Variants in CLIC6 observed in about 807,000 individuals in gnomAD.
The protein encoded by CLIC6 is chloride intracellular channel protein 6.
In CLIC6, 39 loss-of-function variants were observed where a neutral mutation model predicts 49.2. The ratio of observed to expected loss-of-function variants is 0.79; its 90% CI spans 0.61 to 1.04. The LOEUF (loss-of-function observed/expected upper bound fraction) is 1.04, where lower values mean the gene tolerates loss of function less well. CLIC6 is among the 50% of genes least tolerant of loss of function. CLIC6 has a pLI of 0.00. For synonymous variants in CLIC6, 446 were observed against 433.4 expected (o/e 1.03, Z -0.36); for missense variants, 988 against 993.1 (o/e 0.99, Z 0.07).
intron 1 of CLIC6, among the ~76,000 whole-genome samples, chr21:34,680,266 G>C (rs186804226): frequency 6.6e-6 from 1 of 152,250 alleles, no homozygotes. Context: ...AATGGCCTGA[G>C]TTGTACCTCG....
Position 34,670,143 on chromosome 21 carries a change from C to A in CLIC6, c.755C>A (p.Ala252Glu), listed in dbSNP as rs1989518377. ...AEGRVGDSVE[A>E]GDPAGDGVEA... ...GGCCGGGTGGGGGACAGCGTAGAGG[C>A]GGGGGACCCGGCGGGGGACGGCGTA... The change falls in exon 1 of 6, where the codon GCG (alanine) becomes GAG (glutamate). Residue 252 changes from alanine to glutamate, a missense_variant. Transcript: ENST00000349499. 7.4e-7 allele frequency: 1 copy of A among 1,342,660 alleles called. No homozygotes were observed. The highest frequency in any genetic ancestry group is 9.5e-7 in the Non-Finnish European group (1 of 1,053,660). 83.2% of individuals were successfully genotyped at this position (1,342,660 alleles called of 1,614,324 possible). A position where few individuals can be genotyped will look rare whatever the true frequency, so the allele number is the denominator to read the frequency against.
rs528808694 is a variant in CLIC6 at position 34,696,791 on chromosome 21, G to A, written c.1375-10489G>A. Among the ~76,000 whole-genome samples the A allele has an allele frequency of 2.6e-5, 4 of 152,166 alleles. No homozygotes were observed. The South Asian group carries it at 8.3e-4, about 32-fold the overall frequency. ...CATCACATTTGTAAAAGACAGAACTGGAATCTGCGATCTTCTTAAGGCCTC... is the reference window on the plus strand; with the variant it reads ...CATCACATTTGTAAAAGACAGAACTAGAATCTGCGATCTTCTTAAGGCCTC... On this transcript the variant is annotated intron_variant, in intron 1 of 5. Transcript: ENST00000349499.
Position 34,717,324 on chromosome 21 carries a change from C to A in CLIC6, c.*842C>A, listed in dbSNP as rs2056093481. The A allele has an allele frequency of 6.6e-6, 1 of 152,276 alleles. No homozygotes were observed. The allele number at this position is 152,276 out of a possible 1,614,324, so 9.4% of individuals were successfully genotyped here. ...TCCCTGCCCTGAAATGTGAACCAAG[C>A]ACACTTTGGTTCCTTCTCCGGGCGG... On this transcript the variant is annotated 3_prime_UTR_variant, in exon 6 of 6. Coordinates refer to ENST00000349499, the MANE Select transcript of CLIC6 (RefSeq NM_053277.3).
chr21:34,701,729 G>A (rs1017962363), intron 1 of CLIC6, among the ~76,000 whole-genome samples: 1 of 152,166 alleles, frequency 6.6e-6, no homozygotes, highest in African/African-American at 2.4e-5. Context: ...GATGTTGCCT[G>A]AAAAGGGAAA....
intron 5 of CLIC6, among the ~76,000 whole-genome samples, chr21:34,715,098 C>T (rs1307276527): frequency 6.6e-6 from 1 of 152,142 alleles, no homozygotes; most frequent in Admixed American, 6.5e-5. Flanking sequence ...GCAGTAAGCC[C>T]CAAAGATCTT....
Position 34,708,062 on chromosome 21 carries a change from C to A in CLIC6, c.1603C>A (p.Pro535Thr). ...IEEFLEEKLA[P>T]PRYPKLGTQH... Reference sequence around the variant, plus strand: ...GGAGTTCTTAGAGGAGAAATTAGCTCCCCCGAGGTAGGCCTCAGAAAACCA... The same window carrying A: ...GGAGTTCTTAGAGGAGAAATTAGCTACCCCGAGGTAGGCCTCAGAAAACCA... The change falls in exon 3 of 6, where the codon CCC (proline) becomes ACC (threonine). Residue 535 changes from proline to threonine, a missense_variant. By Grantham distance (38) the Pro-to-Thr change is conservative. Around this residue, in one of 3 missense-constraint regions of CLIC6, gnomAD observed 647 missense variants for 596.9 expected, o/e 1.08. Coordinates refer to ENST00000349499, the MANE Select transcript of CLIC6 (RefSeq NM_053277.3). The A allele has an allele frequency of 6.2e-7, 1 of 1,614,058 alleles. No homozygotes were observed. The highest frequency in any genetic ancestry group is 1.1e-5 in the South Asian group (1 of 91,066).
At chr21:34,683,760 T>G (rs1989823798) in intron 1 of CLIC6, among the ~76,000 whole-genome samples, 1 of 152,182 alleles carries the variant, frequency 6.6e-6, no homozygotes, top group African/African-American at 2.4e-5. Flanking sequence ...CTCTTCACCT[T>G]CCACCATGAT....
chr21:34,703,637 A>T (rs1363612264), intron 1 of CLIC6, among the ~76,000 whole-genome samples: 1 of 152,152 alleles, frequency 6.6e-6, no homozygotes, highest in Non-Finnish European at 1.5e-5. Context: ...GCATGAAAAG[A>T]GCCGGCAGGA....
At chr21:34,694,493 G>A (rs980431938) in intron 1 of CLIC6, among the ~76,000 whole-genome samples, 1 of 151,654 alleles carries the variant, frequency 6.6e-6, no homozygotes, top group African/African-American at 2.4e-5. Context: ...GTATTTTTTT[G>A]TAGTGACAAG....
At chr21:34,701,875 G>A (rs552706449) in intron 1 of CLIC6, among the ~76,000 whole-genome samples, 7 of 151,990 alleles carry the variant, frequency 4.6e-5, no homozygotes, top group African/African-American at 1.4e-4. Flanking sequence ...GGCACAGAAG[G>A]CAGCCTGGCG....
Position 34,688,125 on chromosome 21 carries a change from T to C in CLIC6, c.1374+17363T>C, listed in dbSNP as rs150865143. Among the ~76,000 whole-genome samples, 305 of 152,350 alleles carry C rather than the reference T, an allele frequency of 2.0e-3. 1 individual carries two copies. Among genetic ancestry groups the C allele is most frequent in the African/African-American group, 7.0e-3 (293 of 41,574 alleles). On this transcript the variant is annotated intron_variant, in intron 1 of 5. Transcript: ENST00000349499. ...CTGCAATGATGATACATGTTTCCTT[T>C]ATAGACTTACAAGAAGTGTGATGCC...
chr21:34,686,742 T>C (rs866354200), intron 1 of CLIC6, among the ~76,000 whole-genome samples: 1 of 152,312 alleles, frequency 6.6e-6, no homozygotes, highest in Non-Finnish European at 1.5e-5. Context: ...CAGCCATCTA[T>C]GCAAGATGAT....
In CLIC6 at chr21:34,716,478, A is replaced by C. The variant is rs1166479473; in HGVS notation, c.2057A>C (p.Lys686Thr). The change falls in exon 6 of 6, where the codon AAA (lysine) becomes ACA (threonine). Residue 686 changes from lysine (K) to threonine (T), a missense_variant. Physicochemically the swap from Lys to Thr is moderately conservative, Grantham distance 78. This residue lies in a region of CLIC6 where 647 missense variants were observed against 596.9 expected (regional missense o/e 1.08). Coordinates refer to ENST00000349499, the MANE Select transcript of CLIC6 (RefSeq NM_053277.3). ...TATTCAGATGTTGCAAAAAGAATGA[A>C]ATGAAGCTGGGCTGTTTTCTGTCTT... ...HAYSDVAKRM[K>T] 6.2e-7 allele frequency: 1 copy of C among 1,608,846 alleles called. No individual in the cohort carries two copies. The highest frequency in any genetic ancestry group is 2.2e-5 in the East Asian group (1 of 44,662).
intron 5 of CLIC6, among the ~76,000 whole-genome samples, chr21:34,714,964 C>T (rs1601291560): frequency 6.6e-6 from 1 of 152,246 alleles, no homozygotes; most frequent in Non-Finnish European, 1.5e-5. Context: ...GACTTCTTAA[C>T]ATGAGCATCA....
chr21:34,701,303 C>T (rs1474209466), intron 1 of CLIC6, among the ~76,000 whole-genome samples: 8 of 101,046 alleles, frequency 7.9e-5, no homozygotes, highest in South Asian at 3.1e-4. Flanking sequence ...AGCGAGGCTC[C>T]GTCTCAAAAA....
At chr21:34,700,131 C>T (rs1039123990) in intron 1 of CLIC6, among the ~76,000 whole-genome samples, 10 of 152,272 alleles carry the variant, frequency 6.6e-5, no homozygotes, top group Admixed American at 2.0e-4. Context: ...CGGCATTCAC[C>T]GGTGTCAGCT....
Position 34,716,460 on chromosome 21 carries a change from A to T in CLIC6, c.2039A>T (p.Asp680Val). The T allele has an allele frequency of 6.2e-7, 1 of 1,609,464 alleles. No individual in the cohort carries two copies. The highest frequency in any genetic ancestry group is 8.5e-7 in the Non-Finnish European group (1 of 1,178,236). Residue 680 changes from aspartate to valine, a missense_variant, in exon 6 of 6, where the codon GAT (aspartate) becomes GTT (valine). Physicochemically the swap from Asp to Val is radical, Grantham distance 152. Transcript: ENST00000349499. ...CAAGAGATTGAACACGCATATTCAG[A>T]TGTTGCAAAAAGAATGAAATGAAGC... ...ADQEIEHAYSDVAKRMK is the reference protein window; with the variant it reads ...ADQEIEHAYSVVAKRMK
chr21:34,691,245 C>T (rs1989987470), intron 1 of CLIC6, among the ~76,000 whole-genome samples: 1 of 152,128 alleles, frequency 6.6e-6, no homozygotes, highest in African/African-American at 2.4e-5. Context: ...CAAGGAAATG[C>T]AAAACTGGAA....
At chr21:34,709,579 G>A (rs771094545) in intron 5 of CLIC6, 41 bp downstream of exon 5, 10 of 1,559,500 alleles carry the variant, frequency 6.4e-6, no homozygotes, top group South Asian at 2.3e-5. Flanking sequence ...GTACACGAAC[G>A]GGGCTTTGTT....
Sources: allele counts gnomAD v4.1 joint callset (sites outside exome capture counted in the v4.1 genomes callset), GRCh38; gene constraint gnomAD v4.1.1; regional missense constraint gnomAD v4.1.1; transcripts MANE v1.5; gene names NCBI Gene and HGNC (gene_info 2026-07-23, HGNC 2026-07-21).